The following IMPG2 variants were observed in gnomAD, a reference collection of about 807,000 sequenced individuals.
The protein encoded by IMPG2 is interphotoreceptor matrix proteoglycan 2, also known as IPM 200.
Under a neutral mutation model 129.2 loss-of-function variants are expected in IMPG2, and 91 were observed. The ratio of observed to expected loss-of-function variants is 0.70; its 90% CI spans 0.59 to 0.84. The LOEUF is 0.84. IMPG2 is among the 40% of genes least tolerant of loss of function. The probability of loss-of-function intolerance (pLI) is 0.00; values close to 1 mark genes in which losing one functional copy is unlikely to be tolerated. For missense variants in IMPG2, 1,430 were observed against 1,461.7 expected (o/e 0.98, Z 0.35); for synonymous variants, 510 against 517.7 (o/e 0.99, Z 0.20).
At position 101,273,624 on chromosome 3, in the gene IMPG2, G is replaced by A; in HGVS notation, c.785C>T (p.Ser262Phe). The stretch of plus-strand genomic sequence containing the variant: ...TTCAAGGTGCTGGTGGTGAAAGCTG[G>A]AGGAATCCTGTAGTTCTTCCCTGTA... Reference protein sequence around the residue: ...KQYREELQDSSSFHHQHLEEE... With the variant: ...KQYREELQDSFSFHHQHLEEE... The change falls in exon 7 of 19, where the codon TCC becomes TTC. Residue 262 changes from serine to phenylalanine, a missense_variant. Physicochemically the swap from Ser to Phe is radical, Grantham distance 155. Coordinates refer to ENST00000193391, the MANE Select transcript of IMPG2 (RefSeq NM_016247.4). 1.9e-6 allele frequency: 3 copies of A among 1,614,076 alleles called. No individual in the cohort carries two copies. The highest frequency in any genetic ancestry group is 2.5e-6 in the Non-Finnish European group (3 of 1,179,998).
chr3:101,318,192 A>C (rs2058795017), intron 2 of IMPG2, among the ~76,000 whole-genome samples: 1 of 148,678 alleles, frequency 6.7e-6, no homozygotes, highest in Non-Finnish European at 1.5e-5. Flanking sequence ...TAATAATATA[A>C]AGTAAAAATC....
At position 101,244,405 on chromosome 3, in the gene IMPG2, A is replaced by T. The variant is rs199724338; in HGVS notation, c.1926T>A (p.Ala642=). The change falls in exon 13 of 19, where the codon GCT becomes GCA. Residue 642 remains alanine (A), a synonymous_variant. Coordinates refer to ENST00000193391, the MANE Select transcript of IMPG2 (RefSeq NM_016247.4). ...AAACTAGTTTCTTGTCTTCAATCTC[A>T]GCTGGCAAAAGTGAATCATCATCTT... ...WLEDDDSLLP[A]EIEDKKLVLV... The T allele has an allele frequency of 1.9e-6, 3 of 1,614,054 alleles. No individual in the cohort carries two copies. The highest frequency in any genetic ancestry group is 2.5e-6 in the Non-Finnish European group (3 of 1,180,026).
At chr3:101,319,418 T>C (rs945069539) in intron 2 of IMPG2, among the ~76,000 whole-genome samples, 166 bp downstream of exon 2, 2 of 152,180 alleles carry the variant, frequency 1.3e-5, no homozygotes, top group African/African-American at 4.8e-5. Flanking sequence ...TAATGTAAAC[T>C]GTTCTCTGAA....
At chr3:101,300,993 A>C (rs1707134546) in intron 3 of IMPG2, among the ~76,000 whole-genome samples, 1 of 152,188 alleles carries the variant, frequency 6.6e-6, no homozygotes, top group African/African-American at 2.4e-5. Context: ...GAACACTTAG[A>C]AGCCATTGTC....
At chr3:101,303,860 C>T (rs1707162365) in intron 3 of IMPG2, among the ~76,000 whole-genome samples, 2 of 152,220 alleles carry the variant, frequency 1.3e-5, no homozygotes, top group Admixed American at 1.3e-4. Context: ...ATATTATTTC[C>T]AAATATTTAC....
intron 14 of IMPG2, among the ~76,000 whole-genome samples, chr3:101,239,646 A>T (rs912310908): frequency 3.9e-5 from 6 of 152,234 alleles, no homozygotes; most frequent in African/African-American, 1.4e-4. Flanking sequence ...CACTATTCAC[A>T]ATAGCAAAGA....
In IMPG2 at chr3:101,269,575, T is replaced by C; in HGVS notation, c.829-2A>G. ...TAACCCAGTAAATGCATTTTCAACC[T>C]GTTAAAAGTACAAATAAAAATGATA... On this transcript the variant is annotated splice_acceptor_variant, in intron 7 of 18. Transcript: ENST00000193391. LOFTEE classifies it high-confidence loss of function. The C allele has an allele frequency of 1.9e-6, 3 of 1,556,796 alleles. No homozygotes were observed. The highest frequency in any genetic ancestry group is 2.7e-6 in the Non-Finnish European group (3 of 1,128,466).
intron 14 of IMPG2, among the ~76,000 whole-genome samples, chr3:101,237,155 T>C (rs963216562): frequency 6.6e-6 from 1 of 152,172 alleles, no homozygotes; most frequent in Non-Finnish European, 1.5e-5. Context: ...TGTAGCCAGA[T>C]TGCCTCTATA....
intron 2 of IMPG2, among the ~76,000 whole-genome samples, chr3:101,312,023 T>C (rs1378422112): frequency 8.5e-6 from 1 of 117,008 alleles, no homozygotes; most frequent in African/African-American, 2.8e-5. Flanking sequence ...TTACATCATA[T>C]ACAAAAAAAA....
At chr3:101,316,625 G>A (rs1273989930) in intron 2 of IMPG2, among the ~76,000 whole-genome samples, 3 of 152,060 alleles carry the variant, frequency 2.0e-5, no homozygotes, top group Non-Finnish European at 4.4e-5. Flanking sequence ...TTGAGAGGAT[G>A]TGAAGAAAAC....
intron 2 of IMPG2, among the ~76,000 whole-genome samples, chr3:101,305,779 G>A (rs1005241181): frequency 1.3e-5 from 2 of 152,178 alleles, no homozygotes; most frequent in South Asian, 4.2e-4. Flanking sequence ...TATTTGCTAA[G>A]TTATTCCAAA....
rs1333793119 is a variant in IMPG2 at position 101,273,580 on chromosome 3, C to T, written c.828+1G>A. On this transcript the variant is annotated splice_donor_variant, in intron 7 of 18. Coordinates refer to ENST00000193391, the MANE Select transcript of IMPG2 (RefSeq NM_016247.4). LOFTEE classifies it high-confidence loss of function. ...TGTTTGTTTTTTTTTTAATCACCCA[C>T]CTCTGAAATAAATTCTTCTTCAAGG... is the stretch of plus-strand genomic sequence containing the variant. 2.5e-6 allele frequency: 4 copies of T among 1,613,714 alleles called. No homozygotes were observed. The East Asian group carries it at 8.9e-5, about 36-fold the overall frequency.
chr3:101,276,822 G>T, intron 4 of IMPG2, 109 bp from the exon 5 acceptor site: 1 of 759,352 alleles, frequency 1.3e-6, no homozygotes, highest in South Asian at 1.6e-5. Flanking sequence ...ACCAAGTAAG[G>T]GCTCCCAAGC....
At chr3:101,304,462 T>G (rs896860157) in intron 2 of IMPG2, 150 bp from the exon 3 acceptor site, 2 of 700,942 alleles carry the variant, frequency 2.9e-6, no homozygotes, top group South Asian at 3.3e-5. Context: ...AGGCCTTCTG[T>G]ATGTATGTCC....
At chr3:101,280,661 A>G (rs867439265) in intron 4 of IMPG2, among the ~76,000 whole-genome samples, 1 of 152,150 alleles carries the variant, frequency 6.6e-6, no homozygotes, top group African/African-American at 2.4e-5. Flanking sequence ...ATATATATAT[A>G]TAGGCCAGGC....
In IMPG2 at chr3:101,304,266, T is replaced by G. The variant is rs1707166335; in HGVS notation, c.381A>C (p.Arg127=). 6.2e-7 allele frequency: 1 copy of G among 1,613,914 alleles called. No homozygotes were observed. Among genetic ancestry groups the G allele is most frequent in the African/African-American group, 1.3e-5 (1 of 75,034 alleles). The stretch of plus-strand genomic sequence containing the variant: ...AATGATATTCCTCACGCCCAGGAAG[T>G]CGATCCCAAAAAGTCCTGAAGGCTT... The part of the protein sequence containing the change: ...VWEAFRTFWD[R]LPGREEYHYW... The change falls in exon 3 of 19, where the codon CGA becomes CGC. Residue 127 remains arginine, a synonymous_variant. Coordinates refer to ENST00000193391, the MANE Select transcript of IMPG2 (RefSeq NM_016247.4).
chr3:101,293,879 C>T (rs534503016), intron 3 of IMPG2, among the ~76,000 whole-genome samples: 1 of 152,246 alleles, frequency 6.6e-6, no homozygotes, highest in South Asian at 2.1e-4. Context: ...CTGAAGCTTC[C>T]TCGCCTCTCT....
intron 4 of IMPG2, among the ~76,000 whole-genome samples, chr3:101,286,139 G>T (rs912825196): frequency 1.3e-5 from 2 of 151,900 alleles, no homozygotes; most frequent in African/African-American, 4.8e-5. Context: ...TCATTATATT[G>T]TTCAGAGGAT....
intron 10 of IMPG2, among the ~76,000 whole-genome samples, chr3:101,254,099 T>A (rs1706573283): frequency 6.6e-6 from 1 of 152,114 alleles, no homozygotes; most frequent in Admixed American, 6.6e-5. Context: ...CGCTTATTTT[T>A]AAATTAATTT....
Sources: gnomAD v4.1 joint callset for allele counts (sites outside exome capture counted in the v4.1 genomes callset) on GRCh38, gnomAD v4.1.1 for gene constraint, MANE v1.5 for transcripts, NCBI Gene and HGNC (gene_info 2026-07-23, HGNC 2026-07-21) for gene names.